CDON: variants seen among roughly 807,000 people sequenced by gnomAD.
The protein encoded by CDON is cell adhesion associated, oncogene regulated.
A neutral mutation model predicts 120.9 loss-of-function variants in CDON; 73 were observed. The ratio of observed to expected loss-of-function variants is 0.60; its 90% CI spans 0.50 to 0.73. The LOEUF is 0.73. Among genes scored for constraint, CDON ranks in the 30% least tolerant of loss-of-function variants. CDON has a pLI of 0.00. For missense variants in CDON, 1,470 were observed against 1,587.3 expected (o/e 0.93, Z 1.26); for synonymous variants, 566 against 573.5 (o/e 0.99, Z 0.19).
chr11:126,024,980 G>A (rs61446446), intron 1 of CDON, among the ~76,000 whole-genome samples: 3,600 of 152,130 alleles, frequency 0.024, 145 homozygotes, highest in African/African-American at 0.082. Context: ...TGAGGAAGGC[G>A]GATCACTTGA....
Position 126,018,275 on chromosome 11 carries a change from A to T in CDON, c.640+55T>A, listed in dbSNP as rs954758513. ...AAAAAAAATGAACTATCATTGCCCA[A>T]CTTTTTATGAGGACTCTTCCTCTTC... is the stretch of plus-strand genomic sequence containing the variant. On this transcript the variant is annotated intron_variant, in intron 5 of 19. Transcript: ENST00000531738. 2.5e-6 allele frequency: 4 copies of T among 1,576,804 alleles called. No individual in the cohort carries two copies. In the Admixed American group the frequency reaches 6.7e-5, roughly 26 times the overall value.
At chr11:126,031,625 C>T (rs1302333670) in intron 1 of CDON, among the ~76,000 whole-genome samples, 1 of 152,204 alleles carries the variant, frequency 6.6e-6, no homozygotes, top group African/African-American at 2.4e-5. Context: ...TGAGATTCCA[C>T]TAATTAGTGA....
At chr11:126,054,930 A>G (rs1948648694) in intron 1 of CDON, among the ~76,000 whole-genome samples, 1 of 152,202 alleles carries the variant, frequency 6.6e-6, no homozygotes, top group African/African-American at 2.4e-5. Flanking sequence ...GCGAGAAAGC[A>G]TGGTATATTC....
At position 125,970,624 on chromosome 11, in the gene CDON, C is replaced by G. The variant is rs188287102; in HGVS notation, c.3356+7680G>C. Among the ~76,000 whole-genome samples, 78 of 152,318 alleles carry G rather than the reference C, an allele frequency of 5.1e-4. 1 individual carries two copies. Among genetic ancestry groups the G allele is most frequent in the African/African-American group, 1.8e-3 (76 of 41,570 alleles). ...CAGGGCCATGGCCGTCTTCCCTTCT[C>G]GATATCTGCTCTGTTGGATGCTGCG... On this transcript the variant is annotated intron_variant, in intron 18 of 19. Coordinates refer to ENST00000531738, the MANE Select transcript of CDON (RefSeq NM_001378964.1).
intron 1 of CDON, among the ~76,000 whole-genome samples, chr11:126,047,165 T>C (rs73021229): frequency 0.16 from 23,901 of 152,084 alleles, 2,218 homozygotes; most frequent in East Asian, 0.28. Flanking sequence ...ATGAAGTACA[T>C]CTCTTATAAA....
chr11:126,059,546 CACATACAA>C (rs1948749660), intron 1 of CDON, among the ~76,000 whole-genome samples: 2 of 149,430 alleles, frequency 1.3e-5, no homozygotes, highest in African/African-American at 4.9e-5. Flanking sequence ...CACACATACA[CACATACAA>C]AAAAGGCACT....
At chr11:125,990,861 C>A (rs894861801) in intron 14 of CDON, among the ~76,000 whole-genome samples, 2 of 152,014 alleles carry the variant, frequency 1.3e-5, no homozygotes, top group Non-Finnish European at 2.9e-5. Flanking sequence ...GTTTTAGGAT[C>A]GTCTCTGAAA....
intron 1 of CDON, among the ~76,000 whole-genome samples, chr11:126,035,170 G>C (rs1948061143): frequency 6.6e-6 from 1 of 151,846 alleles, no homozygotes; most frequent in African/African-American, 2.4e-5. Flanking sequence ...TAATAACAAG[G>C]AAAAAATCCT....
rs577088630 is a variant in CDON, at chr11:126,039,629, T to C, written c.-61-16092A>G. ...TACTACAACTGCTCAACACCACACA[T>C]TTGGCTATGAAACAGGCTGAGTCAT... On this transcript the variant is annotated intron_variant, in intron 1 of 19. Transcript: ENST00000531738. Among the ~76,000 whole-genome samples the C allele has an allele frequency of 6.6e-5, 10 of 152,328 alleles. No homozygotes were observed. In the South Asian group the frequency reaches 1.5e-3, roughly 22 times the overall value.
intron 1 of CDON, among the ~76,000 whole-genome samples, chr11:126,057,044 C>A (rs1018455766): frequency 6.6e-6 from 1 of 152,096 alleles, no homozygotes; most frequent in African/African-American, 2.4e-5. Flanking sequence ...TTTTGAGGCT[C>A]CCTCCTAAAA....
At chr11:125,984,472 A>T (rs553443819) in intron 15 of CDON, among the ~76,000 whole-genome samples, 1 of 152,006 alleles carries the variant, frequency 6.6e-6, no homozygotes, top group Non-Finnish European at 1.5e-5. Context: ...CGAGGTGAGC[A>T]GACTGTCTGA....
intron 1 of CDON, among the ~76,000 whole-genome samples, chr11:126,053,498 T>C (rs1948616632): frequency 6.6e-6 from 1 of 152,064 alleles, no homozygotes; most frequent in South Asian, 2.1e-4. Context: ...CTAAATCAAA[T>C]CCAACCGCTC....
chr11:125,963,418 T>C (rs1452717907), intron 18 of CDON, among the ~76,000 whole-genome samples: 10 of 152,164 alleles, frequency 6.6e-5, no homozygotes, highest in Admixed American at 6.5e-4. Flanking sequence ...ATCCTGGAGC[T>C]AGATAACGTT....
chr11:126,006,803 A>G (rs1947142717), intron 8 of CDON, among the ~76,000 whole-genome samples: 1 of 152,208 alleles, frequency 6.6e-6, no homozygotes, highest in South Asian at 2.1e-4. Context: ...ACTGAAAAAA[A>G]AAATAGGTTG....
intron 5 of CDON, among the ~76,000 whole-genome samples, chr11:126,018,091 G>A (rs932033198): frequency 6.6e-6 from 1 of 151,854 alleles, no homozygotes; most frequent in Non-Finnish European, 1.5e-5. Context: ...TTAGAGACAG[G>A]GTTTCACCCT....
At chr11:126,044,089 A>G (rs1232213601) in intron 1 of CDON, among the ~76,000 whole-genome samples, 1 of 152,236 alleles carries the variant, frequency 6.6e-6, no homozygotes, top group Non-Finnish European at 1.5e-5. Flanking sequence ...TGGGAGATTT[A>G]TCTTCCGGTT....
chr11:126,062,631 G>A lies in CDON; in HGVS notation c.-114C>T, dbSNP rs1011910253. On this transcript the variant is annotated 5_prime_UTR_variant, in exon 1 of 20. Coordinates refer to ENST00000531738, the MANE Select transcript of CDON (RefSeq NM_001378964.1). ...GACCTCCTGCGCTGCAGCCGGCTCG[G>A]AAAGCCACCCCCAGGTCATCCCCCC... 6.5e-6 allele frequency: 1 copy of A among 153,206 alleles called. No individual in the cohort carries two copies. The highest frequency in any genetic ancestry group is 6.5e-5 in the Admixed American group (1 of 15,278). The allele number at this position is 153,206 out of a possible 1,614,324, so 9.5% of individuals were successfully genotyped here.
chr11:126,018,209 T>C, intron 5 of CDON, 121 bp downstream of exon 5: 1 of 1,127,644 alleles, frequency 8.9e-7, no homozygotes, highest in Non-Finnish European at 1.3e-6. Context: ...CTGTATTTAC[T>C]TTTTTGGTAA....
chr11:126,022,390 T>C (rs1039059756), intron 2 of CDON, among the ~76,000 whole-genome samples: 2 of 152,182 alleles, frequency 1.3e-5, no homozygotes, highest in Admixed American at 6.5e-5. Flanking sequence ...ACAAAGGCTA[T>C]CCTTTCTTAA....
Sources: allele counts gnomAD v4.1 joint callset (sites outside exome capture counted in the v4.1 genomes callset), GRCh38; gene constraint gnomAD v4.1.1; transcripts MANE v1.5; gene names NCBI Gene and HGNC (gene_info 2026-07-23, HGNC 2026-07-21).